SLC44A2: variants seen among roughly 807,000 people sequenced by gnomAD.
SLC44A2 encodes the protein choline transporter-like protein 2.
Under a neutral mutation model 90.8 loss-of-function variants are expected in SLC44A2, and 57 were observed. The observed-to-expected ratio is 0.63, with a 90% confidence interval of 0.51 to 0.78. The LOEUF (loss-of-function observed/expected upper bound fraction) is 0.78, where lower values mean the gene tolerates loss of function less well. Ranked by LOEUF, SLC44A2 falls within the 30% of genes least tolerant of loss-of-function variation. The probability of loss-of-function intolerance (pLI) is 0.00; values close to 1 mark genes in which losing one functional copy is unlikely to be tolerated. For missense variants in SLC44A2, 794 were observed against 919.7 expected, an observed-to-expected ratio of 0.86 and a Z score of 1.77; for synonymous variants, 355 against 360.7, an observed-to-expected ratio of 0.98 and a Z score of 0.18.
intron 14 of SLC44A2, 113 bp from the exon 15 acceptor site, chr19:10,636,210 C>A: frequency 7.9e-7 from 1 of 1,259,066 alleles, no homozygotes. Context: ...AACTTCAATC[C>A]CTATGTCTCC....
At chr19:10,605,157 G>C (rs1364283163) in intron 1 of SLC44A2, among the ~76,000 whole-genome samples, 1 of 151,918 alleles carries the variant, frequency 6.6e-6, no homozygotes, top group African/African-American at 2.4e-5. Flanking sequence ...CCAAGGCTGG[G>C]GGATCACGAG....
chr19:10,637,243 A>C lies in SLC44A2; in HGVS notation c.1592-401A>C, dbSNP rs1461837685. On this transcript the variant is annotated intron_variant, in intron 16 of 21. Transcript: ENST00000335757. ...TGTGTGCGTCTGCAGTCCTAGCTAC[A>C]CGGGAGGCTGAGACAGGAGAATCAC... 3 of 244,162 alleles carry C rather than the reference A, an allele frequency of 1.2e-5. No individual in the cohort carries two copies. The Admixed American group carries it at 1.5e-4, about 13-fold the overall frequency. 15.1% of individuals were successfully genotyped at this position (244,162 alleles called of 1,614,324 possible).
At chr19:10,622,762 T>C (rs1308388008), upstream of SLC44A2, among the ~76,000 whole-genome samples, 2 of 151,328 alleles carry the variant, frequency 1.3e-5, no homozygotes, top group African/African-American at 4.9e-5. Context: ...ATTACCTGAG[T>C]GTGGTGGCGC....
rs543905517 is a variant in SLC44A2, at chr19:10,630,725, C to T, written c.246-332C>T. Among the ~76,000 whole-genome samples the T allele has an allele frequency of 4.0e-5, 6 of 150,458 alleles. No homozygotes were observed. In the South Asian group the frequency reaches 8.4e-4, roughly 21 times the overall value. On this transcript the variant is annotated intron_variant, in intron 4 of 21. Coordinates refer to ENST00000335757, the MANE Select transcript of SLC44A2 (RefSeq NM_020428.4). ...GGGTGGTTAAGAAGTCTTAACAGGT[C>T]GGGTGTGGTGGCTTACACCTGTAAT...
At chr19:10,632,277 C>G (rs1206079825) in intron 10 of SLC44A2, 121 bp downstream of exon 10, 4 of 813,302 alleles carry the variant, frequency 4.9e-6, no homozygotes, top group Non-Finnish European at 6.0e-6. Context: ...TGGCTCACGC[C>G]TGTAATCCCA....
At position 10,635,045 on chromosome 19, in the gene SLC44A2, G is replaced by T. The variant is rs774833782; in HGVS notation, c.1027G>T (p.Ala343Ser). 6.2e-7 allele frequency: 1 copy of T among 1,614,120 alleles called. No individual in the cohort carries two copies. Among genetic ancestry groups the T allele is most frequent in the African/African-American group, 1.3e-5 (1 of 75,024 alleles). ...LIFLRKRILI[A>S]IALIKEASRA... ...CTTTCTCCGGAAGAGAATTCTCATCGCGATTGCACTCATCAAAGAAGCCAG... is the reference window on the plus strand; with the variant it reads ...CTTTCTCCGGAAGAGAATTCTCATCTCGATTGCACTCATCAAAGAAGCCAG... The change falls in exon 12 of 22, where the codon GCG becomes TCG. Residue 343 changes from alanine to serine, a missense_variant. By Grantham distance (99) the Ala-to-Ser change is moderately conservative. Coordinates refer to ENST00000335757, the MANE Select transcript of SLC44A2 (RefSeq NM_020428.4).
chr19:10,643,606 C>T lies in SLC44A2; in HGVS notation c.*221C>T, dbSNP rs926411928. ...TTTTCATGGCTGCCCCTCCAGACTGCGAGAAACAAGTAAAAACCCATTGGG... is the reference window on the plus strand; with the variant it reads ...TTTTCATGGCTGCCCCTCCAGACTGTGAGAAACAAGTAAAAACCCATTGGG... On this transcript the variant is annotated 3_prime_UTR_variant, in exon 22 of 22. Transcript: ENST00000335757. 8.5e-6 allele frequency: 4 copies of T among 469,144 alleles called. No individual in the cohort carries two copies. The highest frequency in any genetic ancestry group is 3.8e-5 in the Admixed American group (1 of 26,424). The allele number at this position is 469,144 out of a possible 1,614,324, so 29.1% of individuals were successfully genotyped here.
rs1419472017 is a variant in SLC44A2, at chr19:10,643,601, G to T, written c.*216G>T. 9 of 495,190 alleles carry T rather than the reference G, an allele frequency of 1.8e-5. No individual in the cohort carries two copies. Among genetic ancestry groups the T allele is most frequent in the Non-Finnish European group, 3.1e-5 (9 of 286,506 alleles). 30.7% of individuals were successfully genotyped at this position (495,190 alleles called of 1,614,324 possible). Reference sequence around the variant, plus strand: ...TGGAGTTTTCATGGCTGCCCCTCCAGACTGCGAGAAACAAGTAAAAACCCA... The same window carrying T: ...TGGAGTTTTCATGGCTGCCCCTCCATACTGCGAGAAACAAGTAAAAACCCA... On this transcript the variant is annotated 3_prime_UTR_variant, in exon 22 of 22. Transcript: ENST00000335757.
rs759322106 is a variant in SLC44A2 at position 10,631,906 on chromosome 19, T to C, written c.665T>C (p.Met222Thr). 7 of 1,614,218 alleles carry C rather than the reference T, an allele frequency of 4.3e-6. No individual in the cohort carries two copies. Among genetic ancestry groups the C allele is most frequent in the Non-Finnish European group, 5.9e-6 (7 of 1,180,030 alleles). Residue 222 changes from methionine to threonine, a missense_variant, in exon 9 of 22, where the codon ATG (methionine) becomes ACG (threonine). By Grantham distance (81) the Met-to-Thr change is moderately conservative. Coordinates refer to ENST00000335757, the MANE Select transcript of SLC44A2 (RefSeq NM_020428.4). ...GTCCTAGAGGCGCGGCAACTCGCCA[T>C]GCGCATATTTGAAGATTACACCGTC... ...NGVLEARQLAMRIFEDYTVSW... is the reference protein window; with the variant it reads ...NGVLEARQLATRIFEDYTVSW...
chr19:10,635,603 C>A, intron 14 of SLC44A2, 88 bp downstream of exon 14: 2 of 1,202,596 alleles, frequency 1.7e-6, no homozygotes, highest in South Asian at 1.3e-5. Flanking sequence ...GGAGGTTCAG[C>A]AAACAATTGG....
In SLC44A2 at chr19:10,631,874, C is replaced by T; in HGVS notation, c.633C>T (p.Ala211=). ...CTTGTCCTCCTTCCCCCAGGAAAGCCAATGGAGTCCTAGAGGCGCGGCAAC... is the reference window on the plus strand; with the variant it reads ...CTTGTCCTCCTTCCCCCAGGAAAGCTAATGGAGTCCTAGAGGCGCGGCAAC... ...ITDLVEGAKK[A]NGVLEARQLA... is the part of the protein sequence containing the mutation. The change falls in exon 9 of 22, where the codon GCC becomes GCT. Residue 211 remains alanine (A), a synonymous_variant. Coordinates refer to ENST00000335757, the MANE Select transcript of SLC44A2 (RefSeq NM_020428.4). 6.2e-7 allele frequency: 1 copy of T among 1,614,250 alleles called. No individual in the cohort carries two copies. The highest frequency in any genetic ancestry group is 8.5e-7 in the Non-Finnish European group (1 of 1,180,044).
chr19:10,615,113 A>C (rs1429783927), intron 1 of SLC44A2, among the ~76,000 whole-genome samples: 1 of 150,692 alleles, frequency 6.6e-6, no homozygotes, highest in Non-Finnish European at 1.5e-5. Flanking sequence ...TTTATTATTT[A>C]TTAAGTGGAA....
chr19:10,618,207 C>T (rs2066870856), intron 1 of SLC44A2, among the ~76,000 whole-genome samples: 1 of 135,960 alleles, frequency 7.4e-6, no homozygotes, highest in East Asian at 2.1e-4. Flanking sequence ...CGGAGTCTCG[C>T]TCTGTTGCCC....
chr19:10,621,135 G>C (rs924152026), upstream of SLC44A2, among the ~76,000 whole-genome samples: 1 of 152,116 alleles, frequency 6.6e-6, no homozygotes, highest in South Asian at 2.1e-4. Flanking sequence ...GATCACTTGA[G>C]GTCAGGAGTT....
In SLC44A2 at chr19:10,643,586, A is replaced by C. The variant is rs2067140710; in HGVS notation, c.*201A>C. On this transcript the variant is annotated 3_prime_UTR_variant, in exon 22 of 22. Transcript: ENST00000335757. ...ATGCCAAGGGGCGCTTGGAGTTTTC[A>C]TGGCTGCCCCTCCAGACTGCGAGAA... 1 of 550,266 alleles carries C rather than the reference A, an allele frequency of 1.8e-6. No individual in the cohort carries two copies. The highest frequency in any genetic ancestry group is 2.6e-5 in the South Asian group (1 of 38,654). The allele number at this position is 550,266 out of a possible 1,614,324, so 34.1% of individuals were successfully genotyped here.
Position 10,634,799 on chromosome 19 carries a change from G to A in SLC44A2, c.867G>A (p.Glu289=), listed in dbSNP as rs1438068046. 24 of 1,614,150 alleles carry A rather than the reference G, an allele frequency of 1.5e-5. No individual in the cohort carries two copies. Among genetic ancestry groups the A allele is most frequent in the Non-Finnish European group, 1.9e-5 (23 of 1,180,056 alleles). Residue 289 remains glutamate, a synonymous_variant, in exon 11 of 22, where the codon GAG becomes GAA. Coordinates refer to ENST00000335757, the MANE Select transcript of SLC44A2 (RefSeq NM_020428.4). ...TGGAGTACTCCCGACTGCGTGGTGA[G>A]GCCGGCTCTGATGTCTCTTTGGTGG... ...CYMEYSRLRG[E]AGSDVSLVDL... is the part of the protein sequence containing the mutation.
Position 10,634,989 on chromosome 19 carries a change from T to C in SLC44A2, c.971T>C (p.Ile324Thr). ...CCCTTTGCAGTGATCATTCTGAGTA[T>C]CCTTGAAGTCATTATCATCTTGCTG... The part of the protein sequence containing the change: ...TWLAFMIILS[I>T]LEVIIILLLI... The change falls in exon 12 of 22, where the codon ATC becomes ACC. Residue 324 changes from isoleucine (I) to threonine (T), a missense_variant. Physicochemically the swap from Ile to Thr is moderately conservative, Grantham distance 89. Coordinates refer to ENST00000335757, the MANE Select transcript of SLC44A2 (RefSeq NM_020428.4). The C allele has an allele frequency of 6.2e-7, 1 of 1,614,198 alleles. No homozygotes were observed. The highest frequency in any genetic ancestry group is 8.5e-7 in the Non-Finnish European group (1 of 1,180,044).
chr19:10,635,385 C>T (rs752664421), intron 13 of SLC44A2, 46 bp from the exon 14 acceptor site: 2 of 1,610,922 alleles, frequency 1.2e-6, no homozygotes, highest in South Asian at 2.2e-5. Context: ...ACAAAAGTCC[C>T]TGGGGTCCTC....
Position 10,631,928 on chromosome 19 carries a change from C to CA in SLC44A2, c.687_688insA (p.Val230SerfsTer60). ...CCATGCGCATATTTGAAGATTACAC[C>CA]GTCTCTTGGTACTGGATTATCATGT... On this transcript the variant is annotated frameshift_variant, in exon 9 of 22. Coordinates refer to ENST00000335757, the MANE Select transcript of SLC44A2 (RefSeq NM_020428.4). LOFTEE classifies it high-confidence loss of function. 1.9e-6 allele frequency: 3 copies of CA among 1,614,204 alleles called. No individual in the cohort carries two copies. Among genetic ancestry groups the CA allele is most frequent in the Non-Finnish European group, 1.7e-6 (2 of 1,180,024 alleles).
Sources: gnomAD v4.1 joint callset for allele counts (sites outside exome capture counted in the v4.1 genomes callset) on GRCh38, gnomAD v4.1.1 for gene constraint, MANE v1.5 for transcripts, NCBI Gene and HGNC (gene_info 2026-07-23, HGNC 2026-07-21) for gene names.